GRM5: variants seen among roughly 807,000 people sequenced by gnomAD.
GRM5 encodes glutamate metabotropic receptor 5.
GRM5 carries 19 observed loss-of-function variants against 83.1 expected under a neutral mutation model. That is an observed-to-expected ratio of 0.23 (90% CI 0.16 to 0.34). GRM5 has a LOEUF of 0.34. GRM5 is among the 10% of genes least tolerant of loss of function. GRM5 has a pLI of 1.00. For missense variants in GRM5, 1,160 were observed against 1,588.3 expected (o/e 0.73, Z 4.58); for synonymous variants, 675 against 633.6 (o/e 1.07, Z -0.98).
intron 7 of GRM5, among the ~76,000 whole-genome samples, chr11:88,583,341 A>G (rs1054853367): frequency 6.6e-6 from 1 of 152,196 alleles, no homozygotes; most frequent in Non-Finnish European, 1.5e-5. Flanking sequence ...CAACCTCCAA[A>G]GCAATTAGGT....
At chr11:88,776,198 C>T (rs1942844668) in intron 3 of GRM5, among the ~76,000 whole-genome samples, 1 of 152,106 alleles carries the variant, frequency 6.6e-6, no homozygotes, top group Non-Finnish European at 1.5e-5. Flanking sequence ...TATGTAATGG[C>T]CTTCTTTGTC....
intron 2 of GRM5, among the ~76,000 whole-genome samples, chr11:89,044,031 G>C (rs1044069486): frequency 2.0e-5 from 3 of 152,176 alleles, no homozygotes; most frequent in African/African-American, 7.2e-5. Context: ...AGCACCATTA[G>C]TAGACGTCAT....
intron 3 of GRM5, among the ~76,000 whole-genome samples, chr11:88,686,017 C>G (rs1350336233): frequency 3.9e-5 from 6 of 152,214 alleles, no homozygotes; most frequent in Middle Eastern, 3.4e-3. Flanking sequence ...GTCGACTGTC[C>G]TCCAGACCCC....
At chr11:88,578,589 T>C (rs1212918518) in intron 7 of GRM5, among the ~76,000 whole-genome samples, 1 of 152,176 alleles carries the variant, frequency 6.6e-6, no homozygotes, top group East Asian at 1.9e-4. Flanking sequence ...GGGACCTGTT[T>C]TGATAAGTTC....
intron 2 of GRM5, among the ~76,000 whole-genome samples, chr11:88,924,384 A>G (rs1193674151): frequency 3.3e-5 from 5 of 152,116 alleles, no homozygotes; most frequent in Admixed American, 3.3e-4. Flanking sequence ...ATGCACAGTA[A>G]CAAAGGTATG....
rs112681311 is a variant in GRM5 at position 88,511,457 on chromosome 11, C to A, written c.2727-1953G>T. ...TTCCCATTTCTTTATCTGTTCCTTT[C>A]TACTTCATGGTCTTTCTTTCTCCGC... On this transcript the variant is annotated intron_variant, in intron 9 of 9. Transcript: ENST00000305447. Among the ~76,000 whole-genome samples, 3,202 of 152,322 alleles carry A rather than the reference C, an allele frequency of 0.021. 63 individuals carry two copies. The highest frequency in any genetic ancestry group is 0.075 in the Middle Eastern group (22 of 292).
intron 4 of GRM5, among the ~76,000 whole-genome samples, chr11:88,619,715 T>C (rs574901438): frequency 2.6e-5 from 4 of 152,296 alleles, no homozygotes; most frequent in Admixed American, 2.6e-4. Flanking sequence ...TTAAAAAATC[T>C]GGAGTTAAAT....
At chr11:88,600,352 A>C (rs1415278091) in intron 5 of GRM5, among the ~76,000 whole-genome samples, 1 of 119,234 alleles carries the variant, frequency 8.4e-6, no homozygotes, top group Non-Finnish European at 1.6e-5. Flanking sequence ...TTTTCATTGC[A>C]CCTCTTGGTT....
intron 3 of GRM5, among the ~76,000 whole-genome samples, chr11:88,693,558 G>T (rs1371520893): frequency 6.6e-6 from 1 of 152,108 alleles, no homozygotes; most frequent in Non-Finnish European, 1.5e-5. Context: ...ATGTCAAATG[G>T]GTTTGCTGAA....
intron 3 of GRM5, among the ~76,000 whole-genome samples, chr11:88,656,802 A>T (rs935741972): frequency 1.3e-5 from 2 of 152,196 alleles, no homozygotes; most frequent in Non-Finnish European, 2.9e-5. Flanking sequence ...ATAAAAAACA[A>T]GACAGTATAA....
intron 8 of GRM5, among the ~76,000 whole-genome samples, chr11:88,542,791 G>A (rs1018665487): frequency 1.3e-5 from 2 of 152,246 alleles, no homozygotes; most frequent in South Asian, 2.1e-4. Context: ...AACACCTGCC[G>A]GGCTTGGTGG....
chr11:88,772,225 A>C (rs1208169752), intron 3 of GRM5, among the ~76,000 whole-genome samples: 1 of 152,096 alleles, frequency 6.6e-6, no homozygotes, highest in East Asian at 1.9e-4. Flanking sequence ...GATTGGTAAA[A>C]ACAAAAATGA....
intron 3 of GRM5, among the ~76,000 whole-genome samples, chr11:88,802,693 G>T (rs984571624): frequency 6.6e-6 from 1 of 151,506 alleles, no homozygotes; most frequent in Non-Finnish European, 1.5e-5. Flanking sequence ...AGGGCAATTA[G>T]GCAGGAGAAG....
chr11:88,772,302 G>T (rs888773602), intron 3 of GRM5, among the ~76,000 whole-genome samples: 2 of 152,094 alleles, frequency 1.3e-5, no homozygotes, highest in Non-Finnish European at 2.9e-5. Context: ...AAATACACAT[G>T]AAGGCAGTAA....
In GRM5 at chr11:88,584,529, G is replaced by A. The variant is rs144964686; in HGVS notation, c.1690+6072C>T. On this transcript the variant is annotated intron_variant, in intron 7 of 9. Coordinates refer to ENST00000305447, the MANE Select transcript of GRM5 (RefSeq NM_001143831.3). ...ACTCACTGCAACCTCTGCCTCCTAA[G>A]TTTCCCAGGTTCAAGCGATTCTCCT... Among the ~76,000 whole-genome samples, 1,118 of 152,122 alleles carry A rather than the reference G, an allele frequency of 7.3e-3. 11 individuals are homozygous for A. Among genetic ancestry groups the A allele is most frequent in the African/African-American group, 0.026 (1,081 of 41,516 alleles).
chr11:88,684,514 A>G (rs1274809693), intron 3 of GRM5, among the ~76,000 whole-genome samples: 2 of 152,212 alleles, frequency 1.3e-5, no homozygotes, highest in African/African-American at 4.8e-5. Context: ...AGTTATAAAT[A>G]GAGAGGAGCA....
Position 88,642,459 on chromosome 11 carries a change from T to C in GRM5, c.1147+10709A>G, listed in dbSNP as rs914579086. Among the ~76,000 whole-genome samples the C allele has an allele frequency of 7.2e-5, 11 of 152,316 alleles. 1 individual carries two copies. Among genetic ancestry groups the C allele is most frequent in the Admixed American group, 6.5e-4 (10 of 15,292 alleles). ...TAGTTGGGCAAATATCTCTAGCAAG[T>C]GGTTGCTCCACAGCCTGCTTCAATT... On this transcript the variant is annotated intron_variant, in intron 4 of 9. Transcript: ENST00000305447.
intron 3 of GRM5, among the ~76,000 whole-genome samples, chr11:88,774,783 C>T (rs1942813904): frequency 1.3e-5 from 2 of 152,176 alleles, no homozygotes; most frequent in Non-Finnish European, 2.9e-5. Flanking sequence ...CCTTGCATCT[C>T]AGGGATGAAG....
chr11:88,988,673 C>T (rs1450640098), intron 2 of GRM5, among the ~76,000 whole-genome samples: 2 of 151,436 alleles, frequency 1.3e-5, no homozygotes, highest in East Asian at 1.9e-4. Context: ...CGGCAGAAAC[C>T]CTACAAGCCA....
Sources: allele counts gnomAD v4.1 joint callset (sites outside exome capture counted in the v4.1 genomes callset), GRCh38; gene constraint gnomAD v4.1.1; transcripts MANE v1.5; gene names NCBI Gene and HGNC (gene_info 2026-07-23, HGNC 2026-07-21).